The following DOCK1 variants were observed in gnomAD, a reference collection of about 807,000 sequenced individuals.
DOCK1 encodes dedicator of cytokinesis 1.
A neutral mutation model predicts 262.7 loss-of-function variants in DOCK1; 138 were observed. The observed-to-expected ratio is 0.53, with a 90% CI of 0.46 to 0.61. The LOEUF is 0.61. Among genes scored for constraint, DOCK1 ranks in the 20% least tolerant of loss-of-function variants. The pLI is 0.00. For missense variants in DOCK1, 1,908 were observed against 2,370.7 expected (o/e 0.80, Z 4.05); for synonymous variants, 866 against 867.4 (o/e 1.00, Z 0.03).
At chr10:127,015,999 C>T (rs1237173641) in intron 12 of DOCK1, 3 of 152,336 alleles carry the variant, frequency 2.0e-5, no homozygotes, top group Non-Finnish European at 2.9e-5. Context: ...GTCTCAGCCC[C>T]GAAGTCCCTT....
chr10:126,944,179 G>A (rs1321508793), intron 1 of DOCK1, among the ~76,000 whole-genome samples: 2 of 151,706 alleles, frequency 1.3e-5, no homozygotes, highest in African/African-American at 2.4e-5. Flanking sequence ...AGGATAAGGA[G>A]TGCCATGTCC....
intron 27 of DOCK1, among the ~76,000 whole-genome samples, chr10:127,141,302 G>C (rs1354637873): frequency 1.3e-5 from 2 of 152,218 alleles, no homozygotes; most frequent in African/African-American, 4.8e-5. Context: ...AATCAGAGAT[G>C]CCATGCGGTC....
intron 35 of DOCK1, 21 bp downstream of exon 35, chr10:127,374,235 G>A (rs764364569): frequency 3.6e-5 from 58 of 1,593,828 alleles, no homozygotes; most frequent in South Asian, 8.0e-5. Context: ...GCTTAATCAC[G>A]TTTTTTCAGT....
chr10:127,094,553 G>A (rs1397171197), intron 23 of DOCK1, among the ~76,000 whole-genome samples: 3 of 152,176 alleles, frequency 2.0e-5, no homozygotes, highest in Non-Finnish European at 4.4e-5. Flanking sequence ...CTGGGACAGC[G>A]AGGCAGCTGG....
chr10:127,174,242 G>A (rs567484563), intron 27 of DOCK1, among the ~76,000 whole-genome samples: 31 of 152,182 alleles, frequency 2.0e-4, no homozygotes, highest in Non-Finnish European at 3.8e-4. Context: ...GCAACAGGGC[G>A]CTGCCTCCGA....
intron 27 of DOCK1, among the ~76,000 whole-genome samples, chr10:127,188,561 G>C (rs1447510730): frequency 1.3e-5 from 2 of 152,112 alleles, no homozygotes; most frequent in African/African-American, 4.8e-5. Flanking sequence ...CATTAGAGAG[G>C]GGGTGCTCAA....
intron 29 of DOCK1, among the ~76,000 whole-genome samples, chr10:127,275,126 G>C (rs1432387539): frequency 6.6e-6 from 1 of 152,148 alleles, no homozygotes; most frequent in African/African-American, 2.4e-5. Context: ...AGGCCACCTG[G>C]GGGGCAGTGT....
chr10:127,234,386 AAAAT>A (rs1175008529), intron 27 of DOCK1, among the ~76,000 whole-genome samples: 1 of 152,174 alleles, frequency 6.6e-6, no homozygotes, highest in Non-Finnish European at 1.5e-5. Flanking sequence ...TATACAAATA[AAAAT>A]ACACAAAATG....
At chr10:127,208,841 G>A (rs1169555856) in intron 27 of DOCK1, among the ~76,000 whole-genome samples, 1 of 152,084 alleles carries the variant, frequency 6.6e-6, no homozygotes, top group Non-Finnish European at 1.5e-5. Context: ...AAAGACCTAG[G>A]ATAAAGTTCT....
chr10:127,037,472 G>A (rs1265761258), intron 18 of DOCK1, among the ~76,000 whole-genome samples: 4 of 152,110 alleles, frequency 2.6e-5, no homozygotes, highest in Admixed American at 2.6e-4. Context: ...TTTCCCAAAT[G>A]CACTTTTAAA....
At chr10:127,001,508 T>G (rs963902351) in intron 10 of DOCK1, 2 of 152,226 alleles carry the variant, frequency 1.3e-5, no homozygotes, top group African/African-American at 4.8e-5. Context: ...ATTCTTGATG[T>G]TGTGCCTTCT....
At chr10:127,292,237 C>G (rs556473981) in intron 29 of DOCK1, among the ~76,000 whole-genome samples, 6 of 152,126 alleles carry the variant, frequency 3.9e-5, no homozygotes, top group East Asian at 1.9e-4. Context: ...GGAGGGGGGG[C>G]CCACTTCTAT....
At chr10:127,193,885 C>A (rs1050274576) in intron 27 of DOCK1, among the ~76,000 whole-genome samples, 4 of 152,310 alleles carry the variant, frequency 2.6e-5, no homozygotes, top group Admixed American at 2.0e-4. Context: ...ATAGAGCTTG[C>A]AGAAATCTCA....
chr10:127,358,408 A>C (rs2064248149), intron 32 of DOCK1, among the ~76,000 whole-genome samples: 1 of 152,218 alleles, frequency 6.6e-6, no homozygotes, highest in South Asian at 2.1e-4. Flanking sequence ...TCAAAAGAAA[A>C]AAGGGGGGAA....
intron 29 of DOCK1, among the ~76,000 whole-genome samples, chr10:127,274,001 G>C (rs375828149): frequency 4.9e-4 from 75 of 152,310 alleles, no homozygotes; most frequent in African/African-American, 1.7e-3. Flanking sequence ...GCTGGATTTA[G>C]AATAAAGTGT....
intron 29 of DOCK1, among the ~76,000 whole-genome samples, chr10:127,309,063 A>G (rs2061972570): frequency 6.6e-6 from 1 of 152,178 alleles, no homozygotes; most frequent in Non-Finnish European, 1.5e-5. Context: ...ACAGTGTAAA[A>G]GTCTTCCTAT....
chr10:127,118,136 C>T (rs911219883), intron 25 of DOCK1, among the ~76,000 whole-genome samples: 1 of 152,172 alleles, frequency 6.6e-6, no homozygotes, highest in African/African-American at 2.4e-5. Flanking sequence ...CACCATTCCA[C>T]AGCCCTGTAT....
rs532764554 is a variant in DOCK1 at position 126,919,926 on chromosome 10, A to G, written c.46+14363A>G. ...TAGCAAAATGTCATGAACTGCCTGG[A>G]GAACCATGAGTTTTCTGTTGGTGGG... On this transcript the variant is annotated intron_variant, in intron 1 of 51. Coordinates refer to ENST00000623213, the MANE Select transcript of DOCK1 (RefSeq NM_001290223.2). Among the ~76,000 whole-genome samples the G allele has an allele frequency of 4.6e-5, 7 of 152,356 alleles. No homozygotes were observed. The East Asian group carries it at 1.4e-3, about 29-fold the overall frequency.
intron 29 of DOCK1, among the ~76,000 whole-genome samples, chr10:127,330,217 G>A (rs1278854813): frequency 6.6e-6 from 1 of 152,144 alleles, no homozygotes; most frequent in African/African-American, 2.4e-5. Context: ...TTGTAGAGAG[G>A]ACATATCAGA....
Sources: allele counts gnomAD v4.1 joint callset (sites outside exome capture counted in the v4.1 genomes callset), GRCh38; gene constraint gnomAD v4.1.1; transcripts MANE v1.5; gene names NCBI Gene and HGNC (gene_info 2026-07-23, HGNC 2026-07-21).